CCDC170: variants seen among roughly 807,000 people sequenced by gnomAD.
The protein encoded by CCDC170 is coiled-coil domain containing 170, also known as coiled-coil domain-containing protein 170.
Under a neutral mutation model 72.6 loss-of-function variants are expected in CCDC170, and 69 were observed. The ratio of observed to expected loss-of-function variants is 0.95; its 90% CI spans 0.78 to 1.16. CCDC170 has a LOEUF of 1.16. Among genes scored for constraint, CCDC170 ranks in the 50% most tolerant of loss-of-function variants. The pLI is 0.00. For missense variants in CCDC170, 852 were observed against 832.5 expected (o/e 1.02, Z -0.29); for synonymous variants, 300 against 303.9 (o/e 0.99, Z 0.13).
intron 1 of CCDC170, among the ~76,000 whole-genome samples, chr6:151,504,633 C>T (rs1056822635): frequency 4.6e-5 from 7 of 151,766 alleles, no homozygotes; most frequent in African/African-American, 1.5e-4. Context: ...CAGGGAGGGA[C>T]GAGGGATGGG....
rs529730479 is a variant in CCDC170 at position 151,540,676 on chromosome 6, C to G, written c.443+2375C>G. ...GGCTGGGATTATAGGGATAAGCCAC[C>G]ACACCCAGCCAGTGTCCCTTCTTAT... On this transcript the variant is annotated intron_variant, in intron 3 of 10. Transcript: ENST00000239374. Among the ~76,000 whole-genome samples the G allele has an allele frequency of 5.3e-5, 8 of 152,016 alleles. No homozygotes were observed. In the South Asian group the frequency reaches 6.2e-4, roughly 12 times the overall value.
At chr6:151,541,026 T>TC (rs1437055129) in intron 3 of CCDC170, among the ~76,000 whole-genome samples, 1 of 152,126 alleles carries the variant, frequency 6.6e-6, no homozygotes, top group Non-Finnish European at 1.5e-5. Flanking sequence ...GCTACCATTC[T>TC]CCCCCTTATT....
intron 1 of CCDC170, among the ~76,000 whole-genome samples, chr6:151,504,590 A>G (rs1782040358): frequency 6.6e-6 from 1 of 152,132 alleles, no homozygotes. Flanking sequence ...GACACAATGA[A>G]CAAACAGAAT....
intron 9 of CCDC170, among the ~76,000 whole-genome samples, chr6:151,603,214 GT>G (rs1776737066): frequency 6.6e-6 from 1 of 150,738 alleles, no homozygotes; most frequent in South Asian, 2.1e-4. Context: ...AGTTTGGCAT[GT>G]TTAAAGTTTA....
At chr6:151,571,861 A>G (rs1281670153) in intron 5 of CCDC170, among the ~76,000 whole-genome samples, 1 of 151,972 alleles carries the variant, frequency 6.6e-6, no homozygotes, top group Non-Finnish European at 1.5e-5. Context: ...TTATGTTCTT[A>G]TGTTGTTATT....
chr6:151,519,274 G>T (rs1237092829), intron 1 of CCDC170, among the ~76,000 whole-genome samples: 3 of 152,034 alleles, frequency 2.0e-5, no homozygotes, highest in African/African-American at 7.3e-5. Context: ...TTCCTTGCTG[G>T]GAAAAGAATT....
At chr6:151,547,175 A>G (rs1266988647) in intron 4 of CCDC170, among the ~76,000 whole-genome samples, 1 of 152,188 alleles carries the variant, frequency 6.6e-6, no homozygotes, top group Non-Finnish European at 1.5e-5. Context: ...ATTCCTAACA[A>G]TTAGACATTC....
At chr6:151,508,696 G>A (rs930654710) in intron 1 of CCDC170, among the ~76,000 whole-genome samples, 3 of 150,696 alleles carry the variant, frequency 2.0e-5, no homozygotes, top group African/African-American at 4.9e-5. Context: ...CTGGGTGACA[G>A]AGTGAGACTC....
intron 9 of CCDC170, among the ~76,000 whole-genome samples, chr6:151,607,876 T>A (rs556301920): frequency 2.1e-4 from 32 of 152,350 alleles, no homozygotes; most frequent in African/African-American, 7.7e-4. Flanking sequence ...TCTGTCTATA[T>A]CTCTCACAAG....
At chr6:151,592,966 G>GGTAATATGT in intron 7 of CCDC170, 141 bp from the exon 8 acceptor site, 1 of 826,536 alleles carries the variant, frequency 1.2e-6, no homozygotes. Context: ...TACCACATAT[G>GGTAATATGT]GGTCAGAGTC....
intron 5 of CCDC170, among the ~76,000 whole-genome samples, chr6:151,570,377 C>T (rs1776200217): frequency 1.3e-5 from 2 of 152,086 alleles, no homozygotes; most frequent in South Asian, 4.1e-4. Context: ...CCACAAGTTC[C>T]ACATCTGTGG....
At chr6:151,541,667 C>T (rs561439368) in intron 3 of CCDC170, among the ~76,000 whole-genome samples, 1 of 150,978 alleles carries the variant, frequency 6.6e-6, no homozygotes, top group South Asian at 2.1e-4. Flanking sequence ...CAGAAAAGTG[C>T]CAAGAAGAAA....
Position 151,619,339 on chromosome 6 carries a change from A to G in CCDC170, c.*1192A>G, listed in dbSNP as rs1777023457. The G allele has an allele frequency of 1.3e-5, 2 of 152,228 alleles. No homozygotes were observed. The highest frequency in any genetic ancestry group is 4.8e-5 in the African/African-American group (2 of 41,466). 9.4% of individuals were successfully genotyped at this position (152,228 alleles called of 1,614,324 possible). A position where few individuals can be genotyped will look rare whatever the true frequency, so the allele number is the denominator to read the frequency against. ...ACAGCAATGGTACCTTTTTAAGATC[A>G]GGATTTTATTATGAATTCCTGTCAC... On this transcript the variant is annotated 3_prime_UTR_variant, in exon 11 of 11. Coordinates refer to ENST00000239374, the MANE Select transcript of CCDC170 (RefSeq NM_025059.4).
At chr6:151,499,446 C>A (rs866314168) in intron 1 of CCDC170, among the ~76,000 whole-genome samples, 1 of 139,288 alleles carries the variant, frequency 7.2e-6, no homozygotes, top group Admixed American at 7.0e-5. Flanking sequence ...TTTGACTATT[C>A]TAGGCACGCT....
intron 5 of CCDC170, among the ~76,000 whole-genome samples, chr6:151,558,720 T>C (rs754069930): frequency 6.6e-6 from 1 of 152,150 alleles, no homozygotes; most frequent in Non-Finnish European, 1.5e-5. Context: ...GTGGATTTAT[T>C]TCTGGTTTCT....
At chr6:151,572,929 G>A (rs1776244690) in intron 5 of CCDC170, among the ~76,000 whole-genome samples, 1 of 151,950 alleles carries the variant, frequency 6.6e-6, no homozygotes, top group African/African-American at 2.4e-5. Context: ...TGGGATTACA[G>A]GTGTGAGCCA....
intron 1 of CCDC170, among the ~76,000 whole-genome samples, chr6:151,502,761 G>A (rs552523740): frequency 6.6e-6 from 1 of 152,150 alleles, no homozygotes; most frequent in African/African-American, 2.4e-5. Flanking sequence ...CATTTATTGA[G>A]TCTTAGGCAC....
At chr6:151,590,537 A>C (rs1776519090) in intron 7 of CCDC170, among the ~76,000 whole-genome samples, 1 of 152,240 alleles carries the variant, frequency 6.6e-6, no homozygotes. Flanking sequence ...ATTGAAAAGC[A>C]AAGTTGCACA....
intron 2 of CCDC170, 55 bp from the exon 3 acceptor site, chr6:151,537,990 A>G: frequency 6.6e-7 from 1 of 1,521,874 alleles, no homozygotes; most frequent in Non-Finnish European, 8.8e-7. Context: ...CTTAAAGATA[A>G]TTCAAACTTA....
Sources: allele counts gnomAD v4.1 joint callset (sites outside exome capture counted in the v4.1 genomes callset), GRCh38; gene constraint gnomAD v4.1.1; transcripts MANE v1.5; gene names NCBI Gene and HGNC (gene_info 2026-07-23, HGNC 2026-07-21).